Variants in TCF25 observed in about 807,000 individuals in gnomAD.
TCF25 encodes the protein TCF25 ribosome quality control complex subunit.
Under a neutral mutation model 83.1 loss-of-function variants are expected in TCF25, and 41 were observed. The observed-to-expected ratio is 0.49, with a 90% CI of 0.38 to 0.64. The LOEUF (loss-of-function observed/expected upper bound fraction) is 0.64, where lower values mean the gene tolerates loss of function less well. Among genes scored for constraint, TCF25 ranks in the 30% least tolerant of loss-of-function variants. TCF25 has a pLI of 0.00. For synonymous variants in TCF25, 458 were observed against 365.0 expected (o/e 1.25, Z -2.90); for missense variants, 979 against 914.5 (o/e 1.07, Z -0.91).
rs763824079 is a variant in TCF25 at position 89,904,102 on chromosome 16, T to A, written c.1382-16T>A. On this transcript the variant is annotated splice_polypyrimidine_tract_variant and intron_variant, in intron 12 of 17. Transcript: ENST00000263346. ...GTGTGCTGAGGGCCCCCACAGAGCC[T>A]CCGCTTCCCCTGCAGTCCTCCTGCC... is the stretch of plus-strand genomic sequence containing the variant. 6.3e-7 allele frequency: 1 copy of A among 1,599,436 alleles called. No individual in the cohort carries two copies. The highest frequency in any genetic ancestry group is 1.1e-5 in the South Asian group (1 of 88,736).
intron 8 of TCF25, among the ~76,000 whole-genome samples, chr16:89,895,568 G>A (rs1407766768): frequency 2.0e-5 from 3 of 152,224 alleles, no homozygotes; most frequent in African/African-American, 4.8e-5. Flanking sequence ...CGATCAGAAC[G>A]TCGTTCGTTT....
chr16:89,877,860 A>T (rs2042311808), intron 1 of TCF25, among the ~76,000 whole-genome samples: 2 of 152,236 alleles, frequency 1.3e-5, no homozygotes, highest in African/African-American at 4.8e-5. Flanking sequence ...TCTTGCTAAT[A>T]AATTTTCCAG....
intron 7 of TCF25, among the ~76,000 whole-genome samples, chr16:89,894,353 T>G (rs977502564): frequency 1.8e-4 from 25 of 135,684 alleles, no homozygotes; most frequent in African/African-American, 8.2e-4. Flanking sequence ...ACAGCTCCCC[T>G]TGCAGCCCCG....
chr16:89,884,443 T>G (rs1318712957), intron 2 of TCF25, 139 bp from the exon 3 acceptor site: 3 of 762,020 alleles, frequency 3.9e-6, no homozygotes, highest in East Asian at 2.8e-5. Flanking sequence ...GAGAAGAGAG[T>G]GAGTTGAAGG....
At chr16:89,892,469 C>T (rs1395549013) in intron 6 of TCF25, among the ~76,000 whole-genome samples, 194 bp downstream of exon 6, 1 of 152,144 alleles carries the variant, frequency 6.6e-6, no homozygotes, top group Non-Finnish European at 1.5e-5. Context: ...CTCTTTGCTC[C>T]AGGAGCGCTC....
At chr16:89,893,039 C>T (rs1178471342) in intron 6 of TCF25, among the ~76,000 whole-genome samples, 3 of 152,242 alleles carry the variant, frequency 2.0e-5, no homozygotes, top group Non-Finnish European at 2.9e-5. Context: ...CCCCGCTGCT[C>T]ACGGCCCCTT....
Position 89,895,123 on chromosome 16 carries a change from C to A in TCF25, c.914C>A (p.Ala305Asp). 6.2e-7 allele frequency: 1 copy of A among 1,612,656 alleles called. No individual in the cohort carries two copies. The highest frequency in any genetic ancestry group is 8.5e-7 in the Non-Finnish European group (1 of 1,179,512). The change falls in exon 8 of 18, where the codon GCT (alanine) becomes GAT (aspartate). Residue 305 changes from alanine to aspartate, a missense_variant. Transcript: ENST00000263346. Reference protein sequence around the residue: ...ACRFQEDQEMARDLVERALYS... With the variant: ...ACRFQEDQEMDRDLVERALYS... ...CGCTTTCAAGAGGATCAGGAGATGGCTCGAGACCTCGTAGGTAAGGCAGAG... is the reference window on the plus strand; with the variant it reads ...CGCTTTCAAGAGGATCAGGAGATGGATCGAGACCTCGTAGGTAAGGCAGAG...
intron 15 of TCF25, 54 bp downstream of exon 15, chr16:89,906,338 C>T: frequency 1.9e-6 from 3 of 1,565,778 alleles, no homozygotes; most frequent in Non-Finnish European, 2.6e-6. Flanking sequence ...ACATGCACGT[C>T]CCTTCTGCTC....
intron 1 of TCF25, 133 bp downstream of exon 1, chr16:89,873,992 T>G (rs1597235475): frequency 2.4e-5 from 18 of 754,238 alleles, no homozygotes; most frequent in South Asian, 5.5e-5. Flanking sequence ...CCAGCCGCAG[T>G]GGGGAGGGCG....
At chr16:89,898,356 G>A (rs75946215) in intron 9 of TCF25, among the ~76,000 whole-genome samples, 21 of 137,140 alleles carry the variant, frequency 1.5e-4, no homozygotes, top group East Asian at 8.6e-4. Flanking sequence ...GGGGTGGAGC[G>A]GGTGTTGACT....
intron 1 of TCF25, chr16:89,878,429 T>C (rs978568500): frequency 3.3e-6 from 4 of 1,215,274 alleles, no homozygotes; most frequent in Non-Finnish European, 4.2e-6. Context: ...CTATTAAAAA[T>C]CACCATTTTT....
rs778238053 is a variant in TCF25, at chr16:89,885,911, C to G, written c.493C>G (p.Arg165Gly). The change falls in exon 4 of 18, where the codon CGT becomes GGT. Residue 165 changes from arginine to glycine, a missense_variant. Coordinates refer to ENST00000263346, the MANE Select transcript of TCF25 (RefSeq NM_014972.3). Reference sequence around the variant, plus strand: ...GATTGAGGACAGCACTGGGTTGAACCGTCCCGGCCCAGCTCCCCTGAGCTC... The same window carrying G: ...GATTGAGGACAGCACTGGGTTGAACGGTCCCGGCCCAGCTCCCCTGAGCTC... ...ERIEDSTGLN[R>G]PGPAPLSSRK... 1 of 1,610,486 alleles carries G rather than the reference C, an allele frequency of 6.2e-7. No individual in the cohort carries two copies. The highest frequency in any genetic ancestry group is 2.3e-5 in the East Asian group (1 of 44,430).
intron 16 of TCF25, chr16:89,909,278 A>G (rs971820678): frequency 6.5e-5 from 40 of 619,360 alleles, no homozygotes; most frequent in Non-Finnish European, 8.8e-5. Flanking sequence ...TTGAGAGGCC[A>G]AGGTGGGCAA....
At position 89,905,012 on chromosome 16, in the gene TCF25, C is replaced by G. The variant is rs2044659772; in HGVS notation, c.1544C>G (p.Thr515Ser). The G allele has an allele frequency of 1.9e-6, 3 of 1,605,022 alleles. No homozygotes were observed. Among genetic ancestry groups the G allele is most frequent in the African/African-American group, 2.7e-5 (2 of 74,760 alleles). The change falls in exon 14 of 18, where the codon ACC becomes AGC. Residue 515 changes from threonine (T) to serine (S), a missense_variant. Coordinates refer to ENST00000263346, the MANE Select transcript of TCF25 (RefSeq NM_014972.3). ...CACTTTCTCTGGAAAGAGCCCGCCACCATGAGCTGGCTGGAGGAGAACGTC... is the reference window on the plus strand; with the variant it reads ...CACTTTCTCTGGAAAGAGCCCGCCAGCATGAGCTGGCTGGAGGAGAACGTC... ...RSHFLWKEPA[T>S]MSWLEENVHE...
At position 89,905,171 on chromosome 16, in the gene TCF25, A is replaced by G. The variant is rs569590125; in HGVS notation, c.1628+75A>G. 12 of 1,466,044 alleles carry G rather than the reference A, an allele frequency of 8.2e-6. No individual in the cohort carries two copies. The African/African-American group carries it at 1.3e-4, about 16-fold the overall frequency. 90.8% of individuals were successfully genotyped at this position (1,466,044 alleles called of 1,614,324 possible). A position where few individuals can be genotyped will look rare whatever the true frequency, so the allele number is the denominator to read the frequency against. ...CTCATCCCAGACACGGGGGCCTCGC[A>G]TTCGGGAGGCGAGAAGGGCTGTGAG... On this transcript the variant is annotated intron_variant, in intron 14 of 17. Transcript: ENST00000263346.
chr16:89,910,236 T>A, intron 16 of TCF25: 1 of 306,094 alleles, frequency 3.3e-6, no homozygotes, highest in Non-Finnish European at 6.2e-6. Context: ...TGCCTTTGCG[T>A]AAGGAGTGGG....
chr16:89,901,454 A>G (rs571828249), intron 12 of TCF25, among the ~76,000 whole-genome samples: 1 of 148,936 alleles, frequency 6.7e-6, no homozygotes, highest in African/African-American at 2.5e-5. Flanking sequence ...CCTCCTTAAG[A>G]CGGGCCTCCG....
At chr16:89,908,361 CTT>C in intron 16 of TCF25, among the ~76,000 whole-genome samples, 1 of 146,098 alleles carries the variant, frequency 6.8e-6, no homozygotes, top group African/African-American at 2.6e-5. Flanking sequence ...CAGCTCCCAT[CTT>C]CCAGCTCCCA....
At chr16:89,881,251 A>G (rs1320461951) in intron 1 of TCF25, among the ~76,000 whole-genome samples, 1 of 152,060 alleles carries the variant, frequency 6.6e-6, no homozygotes, top group Non-Finnish European at 1.5e-5. Flanking sequence ...GGTGCAGCCG[A>G]GTCTCAATTC....
Sources: allele counts gnomAD v4.1 joint callset (sites outside exome capture counted in the v4.1 genomes callset), GRCh38; gene constraint gnomAD v4.1.1; transcripts MANE v1.5; gene names NCBI Gene and HGNC (gene_info 2026-07-23, HGNC 2026-07-21).